Variants in OR2F1 observed in about 807,000 individuals in gnomAD.
OR2F1 encodes olfactory receptor 2F1.
For missense variants in OR2F1, 389 were observed against 378.2 expected (o/e 1.03, Z -0.24); for synonymous variants, 146 against 155.3 (o/e 0.94, Z 0.44).
At position 143,962,377 on chromosome 7, in the gene OR2F1, G is replaced by A. The variant is rs2050336294; in HGVS notation, c.*1453G>A. 1 of 152,190 alleles carries A rather than the reference G, an allele frequency of 6.6e-6. No individual in the cohort carries two copies. Among genetic ancestry groups the A allele is most frequent in the Non-Finnish European group, 1.5e-5 (1 of 68,038 alleles). The allele number at this position is 152,190 out of a possible 1,614,324, so 9.4% of individuals were successfully genotyped here. A position where few individuals can be genotyped will look rare whatever the true frequency, so the allele number is the denominator to read the frequency against. ...ATTATCAGTGGAGTATCTATTCTGT[G>A]TCAGTGTCAATAAATGGTTGTTGCA... On this transcript the variant is annotated 3_prime_UTR_variant, in exon 3 of 3. Coordinates refer to ENST00000641412, the MANE Select transcript of OR2F1 (RefSeq NM_012369.3).
intron 1 of OR2F1, among the ~76,000 whole-genome samples, chr7:143,957,170 A>G: frequency 6.6e-6 from 1 of 152,220 alleles, no homozygotes; most frequent in East Asian, 1.9e-4. Context: ...GACTTCCAAG[A>G]AAAACTGTAG....
intron 1 of OR2F1, among the ~76,000 whole-genome samples, chr7:143,956,806 C>A (rs1353148278): frequency 1.3e-5 from 2 of 151,852 alleles, no homozygotes; most frequent in African/African-American, 4.8e-5. Context: ...GCAACTCTAG[C>A]AGATGGGAAT....
chr7:143,960,502 T>A lies in OR2F1; in HGVS notation c.532T>A (p.Ser178Thr). Residue 178 changes from serine to threonine, a missense_variant, in exon 3 of 3, where the codon TCC (serine) becomes ACC (threonine). Ser to Thr is a moderately conservative substitution (Grantham distance 58, BLOSUM62 1). Coordinates refer to ENST00000641412, the MANE Select transcript of OR2F1 (RefSeq NM_012369.3). ...MCRNKFIDHI[S>T]CELLAVVRLA... ...CAGAAACAAGTTTATTGATCACATA[T>A]CCTGTGAACTCCTAGCTGTGGTCAG... 1 of 1,614,224 alleles carries A rather than the reference T, an allele frequency of 6.2e-7. No individual in the cohort carries two copies. The highest frequency in any genetic ancestry group is 8.5e-7 in the Non-Finnish European group (1 of 1,180,042).
rs944007087 is a variant in OR2F1, at chr7:143,963,413, G to C, written c.*2489G>C. The C allele has an allele frequency of 5.9e-5, 9 of 152,086 alleles. No individual in the cohort carries two copies. Among genetic ancestry groups the C allele is most frequent in the Non-Finnish European group, 2.9e-5 (2 of 68,028 alleles). 9.4% of individuals were successfully genotyped at this position (152,086 alleles called of 1,614,324 possible). A position where few individuals can be genotyped will look rare whatever the true frequency, so the allele number is the denominator to read the frequency against. On this transcript the variant is annotated 3_prime_UTR_variant, in exon 3 of 3. Coordinates refer to ENST00000641412, the MANE Select transcript of OR2F1 (RefSeq NM_012369.3). ...TCAGGAAGCAGAAATGCTGAGAGTG[G>C]GCATTAGGTATGTAGAAATAGACTA...
In OR2F1 at chr7:143,961,547, G is replaced by A. The variant is rs2050330476; in HGVS notation, c.*623G>A. 1 of 152,630 alleles carries A rather than the reference G, an allele frequency of 6.6e-6. No individual in the cohort carries two copies. Among genetic ancestry groups the A allele is most frequent in the South Asian group, 2.1e-4 (1 of 4,840 alleles). 9.5% of individuals were successfully genotyped at this position (152,630 alleles called of 1,614,324 possible). A position where few individuals can be genotyped will look rare whatever the true frequency, so the allele number is the denominator to read the frequency against. ...CAAGGTCTTGTTTCACCTCGATAGG[G>A]TGACAGTCAATGGTTGTTTGTACTG... On this transcript the variant is annotated 3_prime_UTR_variant, in exon 3 of 3. Coordinates refer to ENST00000641412, the MANE Select transcript of OR2F1 (RefSeq NM_012369.3).
rs964317808 is a variant in OR2F1, at chr7:143,962,366, A to G, written c.*1442A>G. 6.6e-6 allele frequency: 1 copy of G among 152,268 alleles called. No homozygotes were observed. The highest frequency in any genetic ancestry group is 1.5e-5 in the Non-Finnish European group (1 of 68,048). The allele number at this position is 152,268 out of a possible 1,614,324, so 9.4% of individuals were successfully genotyped here. A position where few individuals can be genotyped will look rare whatever the true frequency, so the allele number is the denominator to read the frequency against. On this transcript the variant is annotated 3_prime_UTR_variant, in exon 3 of 3. Transcript: ENST00000641412. ...TTATTTTAAGTATTATCAGTGGAGT[A>G]TCTATTCTGTGTCAGTGTCAATAAA...
intron 1 of OR2F1, among the ~76,000 whole-genome samples, chr7:143,956,359 T>A (rs887017062): frequency 6.6e-6 from 1 of 152,138 alleles, no homozygotes; most frequent in Non-Finnish European, 1.5e-5. Context: ...CAAATGCAGA[T>A]GATATTTACA....
rs1246807805 is a variant in OR2F1, at chr7:143,963,628, G to C, written c.*2704G>C. The C allele has an allele frequency of 1.3e-5, 2 of 152,962 alleles. No homozygotes were observed. Among genetic ancestry groups the C allele is most frequent in the Non-Finnish European group, 2.9e-5 (2 of 68,066 alleles). 9.5% of individuals were successfully genotyped at this position (152,962 alleles called of 1,614,324 possible). The stretch of plus-strand genomic sequence containing the variant: ...GGAGTTCCAAAACCTCAAAAGTAGG[G>C]AAGCCAACAGTGCAGCCCTCAGTCT... On this transcript the variant is annotated 3_prime_UTR_variant, in exon 3 of 3. Transcript: ENST00000641412.
chr7:143,959,913 C>T lies in OR2F1; in HGVS notation c.-23-35C>T, dbSNP rs545917150. On this transcript the variant is annotated intron_variant, in intron 2 of 2. Coordinates refer to ENST00000641412, the MANE Select transcript of OR2F1 (RefSeq NM_012369.3). ...CAAACAAGTAATTCTTATAGTTATTCAACAGCTTCTGTTTTTTTCTGACTC... is the reference window on the plus strand; with the variant it reads ...CAAACAAGTAATTCTTATAGTTATTTAACAGCTTCTGTTTTTTTCTGACTC... 4.5e-4 allele frequency: 601 copies of T among 1,328,830 alleles called. 6 individuals carry two copies. The South Asian group carries it at 8.0e-3, about 18-fold the overall frequency. 82.3% of individuals were successfully genotyped at this position (1,328,830 alleles called of 1,614,324 possible). A position where few individuals can be genotyped will look rare whatever the true frequency, so the allele number is the denominator to read the frequency against.
In OR2F1 at chr7:143,961,074, A is replaced by T; in HGVS notation, c.*150A>T. The T allele has an allele frequency of 1.6e-6, 1 of 640,654 alleles. No individual in the cohort carries two copies. Among genetic ancestry groups the T allele is most frequent in the South Asian group, 2.1e-5 (1 of 48,616 alleles). 39.7% of individuals were successfully genotyped at this position (640,654 alleles called of 1,614,324 possible). On this transcript the variant is annotated 3_prime_UTR_variant, in exon 3 of 3. Coordinates refer to ENST00000641412, the MANE Select transcript of OR2F1 (RefSeq NM_012369.3). ...GTTATGGAGGAGGGGGAGTGGTTCA[A>T]TTGGATGGGGTGTGGGACGTGGGGT...
chr7:143,962,350 G>A lies in OR2F1; in HGVS notation c.*1426G>A, dbSNP rs969060377. ...CTGGCAAATTAAATTTTTATTTTAA[G>A]TATTATCAGTGGAGTATCTATTCTG... On this transcript the variant is annotated 3_prime_UTR_variant, in exon 3 of 3. Coordinates refer to ENST00000641412, the MANE Select transcript of OR2F1 (RefSeq NM_012369.3). The A allele has an allele frequency of 1.3e-5, 2 of 152,220 alleles. No homozygotes were observed. Among genetic ancestry groups the A allele is most frequent in the African/African-American group, 2.4e-5 (1 of 41,458 alleles). 9.4% of individuals were successfully genotyped at this position (152,220 alleles called of 1,614,324 possible).
Position 143,963,668 on chromosome 7 carries a change from G to T in OR2F1, c.*2744G>T. On this transcript the variant is annotated 3_prime_UTR_variant, in exon 3 of 3. Coordinates refer to ENST00000641412, the MANE Select transcript of OR2F1 (RefSeq NM_012369.3). Reference sequence around the variant, plus strand: ...GCCCTCAGTCTGTGGCCAAAGGCCCGAGAGCCCCTGGTCAACCACTGGTGT... The same window carrying T: ...GCCCTCAGTCTGTGGCCAAAGGCCCTAGAGCCCCTGGTCAACCACTGGTGT... 6.5e-6 allele frequency: 1 copy of T among 153,066 alleles called. No homozygotes were observed. The highest frequency in any genetic ancestry group is 1.8e-4 in the South Asian group (1 of 5,454). 9.5% of individuals were successfully genotyped at this position (153,066 alleles called of 1,614,324 possible).
Position 143,960,196 on chromosome 7 carries a change from A to T in OR2F1, c.226A>T (p.Ser76Cys). 1 of 1,614,176 alleles carries T rather than the reference A, an allele frequency of 6.2e-7. No homozygotes were observed. The highest frequency in any genetic ancestry group is 8.5e-7 in the Non-Finnish European group (1 of 1,180,044). The change falls in exon 3 of 3, where the codon AGT (serine) becomes TGT (cysteine). Residue 76 changes from serine (S) to cysteine (C), a missense_variant. Ser to Cys is a moderately radical substitution (Grantham distance 112, BLOSUM62 -1). Coordinates refer to ENST00000641412, the MANE Select transcript of OR2F1 (RefSeq NM_012369.3). ...LSLVDVSYAT[S>C]VVPQLLAHFL... ...CCTTGTCGATGTCTCCTATGCCACAAGTGTAGTCCCTCAGCTGCTGGCACA... is the reference window on the plus strand; with the variant it reads ...CCTTGTCGATGTCTCCTATGCCACATGTGTAGTCCCTCAGCTGCTGGCACA...
rs78202987 is a variant in OR2F1, at chr7:143,963,928, C to T, written c.*3004C>T. 4,879 of 152,312 alleles carry T rather than the reference C, an allele frequency of 0.032. 106 individuals carry two copies. The highest frequency in any genetic ancestry group is 0.047 in the South Asian group (227 of 4,816). 9.4% of individuals were successfully genotyped at this position (152,312 alleles called of 1,614,324 possible). On this transcript the variant is annotated 3_prime_UTR_variant, in exon 3 of 3. Coordinates refer to ENST00000641412, the MANE Select transcript of OR2F1 (RefSeq NM_012369.3). ...TGACTCAGATGTTAATCTCCTTTGG[C>T]ATCACCTCCATAGACACACCCAGGA...
chr7:143,963,055 C>T lies in OR2F1; in HGVS notation c.*2131C>T, dbSNP rs2050341647. ...CACTTCATCTCCCAGATTGGAAATG[C>T]CATCTGAATATCATTCCTCTTCTAA... On this transcript the variant is annotated 3_prime_UTR_variant, in exon 3 of 3. Coordinates refer to ENST00000641412, the MANE Select transcript of OR2F1 (RefSeq NM_012369.3). 1 of 152,172 alleles carries T rather than the reference C, an allele frequency of 6.6e-6. No homozygotes were observed. Among genetic ancestry groups the T allele is most frequent in the Non-Finnish European group, 1.5e-5 (1 of 68,026 alleles). 9.4% of individuals were successfully genotyped at this position (152,172 alleles called of 1,614,324 possible).
intron 1 of OR2F1, 144 bp from the exon 2 acceptor site, chr7:143,958,809 T>C (rs2050303220): frequency 6.6e-6 from 1 of 152,182 alleles, no homozygotes; most frequent in African/African-American, 2.4e-5. Context: ...GAAGGGAATC[T>C]CCATTCCAAT....
Position 143,963,487 on chromosome 7 carries a change from C to T in OR2F1, c.*2563C>T, listed in dbSNP as rs1351646682. The T allele has an allele frequency of 6.6e-6, 1 of 152,106 alleles. No homozygotes were observed. The highest frequency in any genetic ancestry group is 1.5e-5 in the Non-Finnish European group (1 of 68,042). The allele number at this position is 152,106 out of a possible 1,614,324, so 9.4% of individuals were successfully genotyped here. A position where few individuals can be genotyped will look rare whatever the true frequency, so the allele number is the denominator to read the frequency against. On this transcript the variant is annotated 3_prime_UTR_variant, in exon 3 of 3. Coordinates refer to ENST00000641412, the MANE Select transcript of OR2F1 (RefSeq NM_012369.3). ...GTCAGGTTTCTTTAGAGAGACAAGA[C>T]TAATAGGATAGATGAATATATGAAA...
chr7:143,960,536 G>A lies in OR2F1; in HGVS notation c.566G>A (p.Cys189Tyr). Reference protein sequence around the residue: ...CELLAVVRLACVDTSSNEVTI... With the variant: ...CELLAVVRLAYVDTSSNEVTI... ...CTCCTAGCTGTGGTCAGGCTGGCTTGTGTGGACACCTCCTCCAATGAGGTC... is the reference window on the plus strand; with the variant it reads ...CTCCTAGCTGTGGTCAGGCTGGCTTATGTGGACACCTCCTCCAATGAGGTC... Residue 189 changes from cysteine (C) to tyrosine (Y), a missense_variant, in exon 3 of 3, where the codon TGT becomes TAT. Transcript: ENST00000641412. The A allele has an allele frequency of 6.2e-7, 1 of 1,614,186 alleles. No homozygotes were observed. Among genetic ancestry groups the A allele is most frequent in the East Asian group, 2.2e-5 (1 of 44,878 alleles).
Position 143,960,443 on chromosome 7 carries a change from T to A in OR2F1, c.473T>A (p.Val158Glu), listed in dbSNP as rs749637784. Residue 158 changes from valine (V) to glutamate (E), a missense_variant, in exon 3 of 3, where the codon GTG becomes GAG. Transcript: ENST00000641412. ...SWVSGFISSP[V>E]QTAITFQLPM... ...GTCAGTGGCTTCATCAGCTCTCCTG[T>A]GCAGACTGCTATCACCTTTCAGCTG... is the stretch of plus-strand genomic sequence containing the variant. 3 of 1,614,070 alleles carry A rather than the reference T, an allele frequency of 1.9e-6. No individual in the cohort carries two copies. The African/African-American group carries it at 4.0e-5, about 22-fold the overall frequency.
Sources: allele counts gnomAD v4.1 joint callset (sites outside exome capture counted in the v4.1 genomes callset), GRCh38; gene constraint gnomAD v4.1.1; transcripts MANE v1.5; gene names NCBI Gene and HGNC (gene_info 2026-07-23, HGNC 2026-07-21).